CDKL2: variants seen among roughly 807,000 people sequenced by gnomAD.
CDKL2 encodes the protein cyclin dependent kinase like 2.
In CDKL2, 64 loss-of-function variants were observed where a neutral mutation model predicts 63.9. The observed-to-expected ratio is 1.00, with a 90% CI of 0.82 to 1.23. CDKL2 has a LOEUF of 1.23. CDKL2 is among the 50% of genes most tolerant of loss of function. The pLI is 0.00. For missense variants in CDKL2, 656 were observed against 668.0 expected, an observed-to-expected ratio of 0.98 and a Z score of 0.20; for synonymous variants, 211 against 229.2, an observed-to-expected ratio of 0.92 and a Z score of 0.72.
intron 2 of CDKL2, among the ~76,000 whole-genome samples, 194 bp downstream of exon 2, chr4:75,625,627 A>C (rs1730365139): frequency 6.6e-6 from 1 of 152,188 alleles, no homozygotes; most frequent in African/African-American, 2.4e-5. Context: ...GGTCTTTGGG[A>C]CTCCTAACAC....
chr4:75,604,234 A>G (rs1455940995), intron 5 of CDKL2, among the ~76,000 whole-genome samples: 3 of 152,262 alleles, frequency 2.0e-5, no homozygotes, highest in Non-Finnish European at 2.9e-5. Context: ...GCTGAATAAA[A>G]CAACAAATAT....
chr4:75,604,396 A>G (rs1729335054), intron 5 of CDKL2, among the ~76,000 whole-genome samples: 1 of 152,176 alleles, frequency 6.6e-6, no homozygotes, highest in Admixed American at 6.5e-5. Context: ...TTGAATGTAG[A>G]ATATATCTGA....
chr4:75,607,994 A>G (rs1729499501), intron 3 of CDKL2, among the ~76,000 whole-genome samples: 1 of 148,918 alleles, frequency 6.7e-6, no homozygotes, highest in Non-Finnish European at 1.5e-5. Context: ...TTGTATTTTT[A>G]GTACAGACGG....
intron 6 of CDKL2, among the ~76,000 whole-genome samples, chr4:75,601,173 A>G (rs1454050812): frequency 1.3e-5 from 2 of 152,236 alleles, no homozygotes; most frequent in Non-Finnish European, 2.9e-5. Context: ...AATGAAATAA[A>G]TTTTGTGAAA....
intron 10 of CDKL2, among the ~76,000 whole-genome samples, chr4:75,593,622 A>G (rs1279016504): frequency 6.6e-6 from 1 of 152,222 alleles, no homozygotes. Flanking sequence ...TTCTGGCAAA[A>G]TGGTATTGAA....
chr4:75,628,956 A>G lies in CDKL2; in HGVS notation c.-30+1086T>C, dbSNP rs145990940. On this transcript the variant is annotated intron_variant, in intron 1 of 13. Coordinates refer to ENST00000307465, the MANE Select transcript of CDKL2 (RefSeq NM_001330724.2). ...CGACTTAAATTATTATTTTACTACC[A>G]GTTTTCATAGTAGATTCTACTACAA... 5.3e-5 allele frequency among the ~76,000 whole-genome samples: 8 copies of G among 152,292 alleles called. No homozygotes were observed. In the East Asian group the frequency reaches 1.5e-3, roughly 29 times the overall value.
rs575705863 is a variant in CDKL2 at position 75,580,850 on chromosome 4, GC to G, written c.*23+959del. 5.5e-3 allele frequency among the ~76,000 whole-genome samples: 826 copies of G among 149,568 alleles called. 1 individual carries two copies. The highest frequency in any genetic ancestry group is 9.4e-3 in the Non-Finnish European group (629 of 66,950). ...CGAGTAGCTGGGACTACAGGCGCCCGCTACCACACCCGGCTAATTTTTTGTA... is the reference window on the plus strand; with the variant it reads ...CGAGTAGCTGGGACTACAGGCGCCCGTACCACACCCGGCTAATTTTTTGTA... On this transcript the variant is annotated intron_variant, in intron 13 of 13. Transcript: ENST00000307465.
intron 3 of CDKL2, among the ~76,000 whole-genome samples, chr4:75,610,425 A>C (rs1729641192): frequency 6.6e-6 from 1 of 152,124 alleles, no homozygotes; most frequent in African/African-American, 2.4e-5. Context: ...AACCAAGATG[A>C]TATGAGTTGA....
At chr4:75,599,095 T>G (rs1729063394) in intron 7 of CDKL2, among the ~76,000 whole-genome samples, 1 of 152,226 alleles carries the variant, frequency 6.6e-6, no homozygotes, top group Admixed American at 6.5e-5. Context: ...TTTTAAGATC[T>G]GCTTAACTCA....
chr4:75,618,697 G>C (rs1730036237), intron 2 of CDKL2, among the ~76,000 whole-genome samples: 1 of 152,170 alleles, frequency 6.6e-6, no homozygotes, highest in Admixed American at 6.5e-5. Context: ...AGCTAATTTT[G>C]ACATCAAGTA....
At chr4:75,617,582 T>A (rs1729983696) in intron 2 of CDKL2, among the ~76,000 whole-genome samples, 3 of 152,210 alleles carry the variant, frequency 2.0e-5, no homozygotes, top group African/African-American at 7.2e-5. Flanking sequence ...AACTATAAAT[T>A]CTGACAAGTT....
chr4:75,594,133 A>G (rs895280589), intron 10 of CDKL2, among the ~76,000 whole-genome samples: 1 of 152,156 alleles, frequency 6.6e-6, no homozygotes, highest in African/African-American at 2.4e-5. Flanking sequence ...TGAATATATT[A>G]ATCTGGTAGT....
Position 75,625,908 on chromosome 4 carries a change from T to C in CDKL2, c.81A>G (p.Gly27=), listed in dbSNP as rs1191443207. ...AGAACTTCTTTATGGCCACAATTCT[T>C]CCAGTATCTTTATTCCTACACTTCA... is the stretch of plus-strand genomic sequence containing the variant. ...MVMKCRNKDT[G]RIVAIKKFLE... is the part of the protein sequence containing the mutation. The change falls in exon 2 of 14, where the codon GGA becomes GGG. Residue 27 remains glycine (G), a synonymous_variant. Coordinates refer to ENST00000307465, the MANE Select transcript of CDKL2 (RefSeq NM_001330724.2). 6.2e-7 allele frequency: 1 copy of C among 1,612,990 alleles called. No homozygotes were observed. Among genetic ancestry groups the C allele is most frequent in the Admixed American group, 1.7e-5 (1 of 59,996 alleles).
Position 75,605,677 on chromosome 4 carries a change from T to G in CDKL2, c.543-43A>C, listed in dbSNP as rs1235649059. On this transcript the variant is annotated intron_variant, in intron 4 of 13. Transcript: ENST00000307465. ...TGGTGTAAAATCTGGCATCCTAATA[T>G]GCTCCAAAACCCAAAGCTTTTTGAG... 8 of 1,336,794 alleles carry G rather than the reference T, an allele frequency of 6.0e-6. No homozygotes were observed. In the South Asian group the frequency reaches 9.5e-5, roughly 16 times the overall value. The allele number at this position is 1,336,794 out of a possible 1,614,324, so 82.8% of individuals were successfully genotyped here.
chr4:75,591,743 C>G (rs1728722848), intron 12 of CDKL2, 76 bp downstream of exon 12: 3 of 943,020 alleles, frequency 3.2e-6, no homozygotes, highest in East Asian at 5.3e-5. Context: ...TAAGAGCAAA[C>G]TCTCCCTAAA....
At chr4:75,610,614 G>A (rs1462440926) in intron 3 of CDKL2, among the ~76,000 whole-genome samples, 1 of 151,876 alleles carries the variant, frequency 6.6e-6, no homozygotes, top group Non-Finnish European at 1.5e-5. Flanking sequence ...TGTACTATTT[G>A]GGTCAAACTT....
intron 1 of CDKL2, among the ~76,000 whole-genome samples, chr4:75,628,903 G>A (rs1730556339): frequency 6.6e-6 from 1 of 151,976 alleles, no homozygotes. Context: ...CTTGAGGGGT[G>A]GGAAATGAAA....
chr4:75,616,210 G>T (rs1004108227), intron 2 of CDKL2, among the ~76,000 whole-genome samples: 6 of 150,682 alleles, frequency 4.0e-5, no homozygotes, highest in African/African-American at 1.5e-4. Flanking sequence ...AGGCTGAAGT[G>T]GAGGGATAGC....
At chr4:75,598,257 C>A (rs1468684917) in intron 7 of CDKL2, 45 bp from the exon 8 acceptor site, 3 of 1,099,422 alleles carry the variant, frequency 2.7e-6, no homozygotes, top group Non-Finnish European at 3.8e-6. Flanking sequence ...CATGGATAAA[C>A]CTACAAAAAA....
Sources: gnomAD v4.1 joint callset for allele counts (sites outside exome capture counted in the v4.1 genomes callset) on GRCh38, gnomAD v4.1.1 for gene constraint, MANE v1.5 for transcripts, NCBI Gene and HGNC (gene_info 2026-07-23, HGNC 2026-07-21) for gene names.